The following CAMK1D variants were observed in gnomAD, a reference collection of about 807,000 sequenced individuals.
CAMK1D encodes calcium/calmodulin-dependent protein kinase type 1D.
Under a neutral mutation model 47.7 loss-of-function variants are expected in CAMK1D, and 9 were observed. The ratio of observed to expected loss-of-function variants is 0.19; its 90% CI spans 0.11 to 0.33. The LOEUF is 0.33. Among genes scored for constraint, CAMK1D ranks in the 10% least tolerant of loss-of-function variants. The pLI is 1.00. For missense variants in CAMK1D, 291 were observed against 488.7 expected, an observed-to-expected ratio of 0.60 and a Z score of 3.81; for synonymous variants, 184 against 184.9, an observed-to-expected ratio of 0.99 and a Z score of 0.04.
chr10:12,622,075 C>T (rs1202755544), intron 2 of CAMK1D, among the ~76,000 whole-genome samples: 3 of 152,128 alleles, frequency 2.0e-5, no homozygotes, highest in East Asian at 1.9e-4. Flanking sequence ...GGTTAGGCCT[C>T]GTTACTAGCC....
At chr10:12,612,887 G>A (rs4328130) in intron 2 of CAMK1D, among the ~76,000 whole-genome samples, 43,508 of 151,898 alleles carry the variant, frequency 0.29, 6,362 homozygotes, top group South Asian at 0.38. Flanking sequence ...GTCTTGGCAC[G>A]TGGTCTTGTA....
intron 1 of CAMK1D, among the ~76,000 whole-genome samples, chr10:12,409,808 A>T (rs376487584): frequency 6.6e-6 from 1 of 152,052 alleles, no homozygotes; most frequent in Non-Finnish European, 1.5e-5. Flanking sequence ...TGTTTTCAAA[A>T]TTTTTTCATC....
chr10:12,760,150 T>C (rs1043222703), intron 3 of CAMK1D, among the ~76,000 whole-genome samples: 1 of 152,192 alleles, frequency 6.6e-6, no homozygotes, highest in African/African-American at 2.4e-5. Flanking sequence ...CAGGGCAGCA[T>C]AAAATATCAG....
intron 1 of CAMK1D, among the ~76,000 whole-genome samples, chr10:12,420,700 G>A (rs905255660): frequency 6.6e-6 from 1 of 152,144 alleles, no homozygotes; most frequent in African/African-American, 2.4e-5. Context: ...AGAAAACGAA[G>A]TATATTACAT....
chr10:12,566,116 C>T (rs1449394682), intron 2 of CAMK1D, among the ~76,000 whole-genome samples: 2 of 152,168 alleles, frequency 1.3e-5, no homozygotes, highest in South Asian at 2.1e-4. Flanking sequence ...TAGTATCTGC[C>T]TCCAATAGTC....
intron 4 of CAMK1D, among the ~76,000 whole-genome samples, chr10:12,768,070 G>A (rs567551638): frequency 2.0e-5 from 3 of 152,028 alleles, no homozygotes; most frequent in African/African-American, 7.2e-5. Context: ...ACGGGGTTTC[G>A]CCATGTTGAT....
At position 12,828,948 on chromosome 10, in the gene CAMK1D, A is replaced by T. The variant is rs113542304; in HGVS notation, c.*61A>T. The T allele has an allele frequency of 0.016, 19,387 of 1,238,832 alleles. 2,168 individuals carry two copies. In the African/African-American group the frequency reaches 0.26, roughly 16 times the overall value. The allele number at this position is 1,238,832 out of a possible 1,614,324, so 76.7% of individuals were successfully genotyped here. On this transcript the variant is annotated 3_prime_UTR_variant, in exon 11 of 11. Coordinates refer to ENST00000619168, the MANE Select transcript of CAMK1D (RefSeq NM_153498.4). ...GGAAGGGGAGCCCCAGGGTCGCCAGAGCCGCGAGCCACTCCAGCGAGACCC... is the reference window on the plus strand; with the variant it reads ...GGAAGGGGAGCCCCAGGGTCGCCAGTGCCGCGAGCCACTCCAGCGAGACCC...
At chr10:12,651,349 C>T (rs993124755) in intron 2 of CAMK1D, among the ~76,000 whole-genome samples, 1 of 152,120 alleles carries the variant, frequency 6.6e-6, no homozygotes, top group African/African-American at 2.4e-5. Context: ...CCGCCTTTGG[C>T]CCACTGTTGG....
At chr10:12,748,390 T>C (rs1436797663) in intron 3 of CAMK1D, among the ~76,000 whole-genome samples, 2 of 152,134 alleles carry the variant, frequency 1.3e-5, no homozygotes, top group Admixed American at 6.5e-5. Flanking sequence ...GGACTCTGGC[T>C]GGAGGGATGC....
At position 12,801,363 on chromosome 10, in the gene CAMK1D, TATC is replaced by T. The variant is rs1838462630; in HGVS notation, c.641+10131_641+10133del. ...TATCTATCTATCTATCTTATCTATC[TATC>T]TATCTATCTATCTATCTATCTATCT... On this transcript the variant is annotated intron_variant, in intron 6 of 10. Coordinates refer to ENST00000619168, the MANE Select transcript of CAMK1D (RefSeq NM_153498.4). 8.0e-5 allele frequency among the ~76,000 whole-genome samples: 8 copies of T among 99,556 alleles called. No individual in the cohort carries two copies. In the South Asian group the frequency reaches 1.0e-3, roughly 13 times the overall value. 65.3% of individuals were successfully genotyped at this position (99,556 alleles called of 152,430 possible). A position where few individuals can be genotyped will look rare whatever the true frequency, so the allele number is the denominator to read the frequency against.
At chr10:12,373,120 G>A (rs1019350363) in intron 1 of CAMK1D, among the ~76,000 whole-genome samples, 1 of 152,124 alleles carries the variant, frequency 6.6e-6, no homozygotes, top group Non-Finnish European at 1.5e-5. Flanking sequence ...AATGAGAGAC[G>A]TGGTCCGCTT....
At chr10:12,729,838 T>C (rs991709119) in intron 3 of CAMK1D, among the ~76,000 whole-genome samples, 1 of 152,098 alleles carries the variant, frequency 6.6e-6, no homozygotes, top group Non-Finnish European at 1.5e-5. Context: ...GTGCCTGGTG[T>C]GGCCAAGGCC....
chr10:12,637,380 A>G (rs971087763), intron 2 of CAMK1D, among the ~76,000 whole-genome samples: 4 of 152,094 alleles, frequency 2.6e-5, no homozygotes, highest in Non-Finnish European at 5.9e-5. Context: ...TTTGTTCTCA[A>G]CTCTCACAGA....
At chr10:12,437,452 C>T (rs1832669207) in intron 1 of CAMK1D, among the ~76,000 whole-genome samples, 1 of 152,194 alleles carries the variant, frequency 6.6e-6, no homozygotes, top group Non-Finnish European at 1.5e-5. Flanking sequence ...GCCTTGACCT[C>T]CCAAAGTGCT....
In CAMK1D at chr10:12,791,201, C is replaced by T; in HGVS notation, c.609C>T (p.Asp203=). ...LAQKPYSKAV[D]CWSIGVIAYI... The stretch of plus-strand genomic sequence containing the variant: ...AGAAACCTTACAGCAAAGCCGTTGA[C>T]TGCTGGTCCATCGGAGTGATTGCCT... The change falls in exon 6 of 11, where the codon GAC becomes GAT. Residue 203 remains aspartate, a synonymous_variant. Coordinates refer to ENST00000619168, the MANE Select transcript of CAMK1D (RefSeq NM_153498.4). The T allele has an allele frequency of 5.0e-6, 8 of 1,614,220 alleles. No homozygotes were observed. Among genetic ancestry groups the T allele is most frequent in the Non-Finnish European group, 6.8e-6 (8 of 1,180,022 alleles).
In CAMK1D at chr10:12,729,352, G is replaced by T. The variant is rs17581644; in HGVS notation, c.300-31596G>T. Among the ~76,000 whole-genome samples the T allele has an allele frequency of 8.1e-3, 1,239 of 152,356 alleles. 2 individuals are homozygous for T. The highest frequency in any genetic ancestry group is 0.013 in the Non-Finnish European group (895 of 68,034). ...GAGTACCTATAGAACAGATTAAAGT[G>T]GGACCGAGCACAGTGGCTCATGCCT... On this transcript the variant is annotated intron_variant, in intron 3 of 10. Coordinates refer to ENST00000619168, the MANE Select transcript of CAMK1D (RefSeq NM_153498.4).
intron 6 of CAMK1D, among the ~76,000 whole-genome samples, chr10:12,802,916 AG>A (rs1163405111): frequency 6.6e-6 from 1 of 152,210 alleles, no homozygotes; most frequent in Non-Finnish European, 1.5e-5. Context: ...CTGCAGAGGC[AG>A]GTTCTGAAAG....
chr10:12,463,018 T>C (rs1054679233), intron 1 of CAMK1D, among the ~76,000 whole-genome samples: 2 of 152,174 alleles, frequency 1.3e-5, no homozygotes, highest in Non-Finnish European at 2.9e-5. Flanking sequence ...TAAACATCTT[T>C]TGTCAAAATT....
intron 1 of CAMK1D, among the ~76,000 whole-genome samples, chr10:12,449,331 GTGTTGAGAGTATAGCA>G (rs1255462018): frequency 1.3e-5 from 2 of 151,998 alleles, no homozygotes; most frequent in Non-Finnish European, 2.9e-5. Flanking sequence ...AGCTGCTCCC[GTGTTGAGAGTATAGCA>G]TGTTGAAAAC....
Sources: allele counts gnomAD v4.1 joint callset (sites outside exome capture counted in the v4.1 genomes callset), GRCh38; gene constraint gnomAD v4.1.1; transcripts MANE v1.5; gene names NCBI Gene and HGNC (gene_info 2026-07-23, HGNC 2026-07-21).